SLC2A13: variants seen among roughly 807,000 people sequenced by gnomAD.
SLC2A13 encodes the protein proton myo-inositol cotransporter.
In SLC2A13, 32 loss-of-function variants were observed where a neutral mutation model predicts 64.4. That is an observed-to-expected ratio of 0.50 (90% CI 0.37 to 0.67). The LOEUF is 0.67. Ranked by LOEUF, SLC2A13 falls within the 30% of genes least tolerant of loss-of-function variation. The pLI is 0.00. For missense variants in SLC2A13, 743 were observed against 829.2 expected (o/e 0.90, Z 1.28); for synonymous variants, 338 against 327.1 (o/e 1.03, Z -0.36).
intron 4 of SLC2A13, among the ~76,000 whole-genome samples, chr12:39,911,474 T>C (rs1282596256): frequency 6.6e-6 from 1 of 152,022 alleles, no homozygotes; most frequent in Admixed American, 6.6e-5. Flanking sequence ...ACAGATTTAA[T>C]ACAAGTTAGA....
At chr12:39,803,277 A>G (rs1215536854) in intron 7 of SLC2A13, among the ~76,000 whole-genome samples, 2 of 152,074 alleles carry the variant, frequency 1.3e-5, no homozygotes, top group Non-Finnish European at 2.9e-5. Flanking sequence ...CACAGATAAA[A>G]CCGTGATGAA....
intron 4 of SLC2A13, among the ~76,000 whole-genome samples, chr12:39,901,181 G>A (rs10784267): frequency 0.49 from 74,474 of 151,940 alleles, 18,479 homozygotes; most frequent in East Asian, 0.78. Context: ...CTTATACAAA[G>A]AAATTAATTC....
At chr12:39,972,732 A>G (rs754868184) in intron 3 of SLC2A13, among the ~76,000 whole-genome samples, 11 of 152,130 alleles carry the variant, frequency 7.2e-5, no homozygotes, top group Admixed American at 2.0e-4. Flanking sequence ...TCCAGTTCAT[A>G]TCTTATTCTC....
intron 1 of SLC2A13, among the ~76,000 whole-genome samples, chr12:40,095,076 A>T (rs1331983423): frequency 1.3e-5 from 2 of 152,224 alleles, no homozygotes; most frequent in Non-Finnish European, 2.9e-5. Flanking sequence ...AGATCCCAGA[A>T]ATGTACTTCA....
chr12:39,850,199 G>A (rs4539398), intron 6 of SLC2A13, among the ~76,000 whole-genome samples: 110,087 of 152,080 alleles, frequency 0.72, 40,574 homozygotes, highest in African/African-American at 0.86. Context: ...TACTGGAACC[G>A]AAAAGGAGTT....
At chr12:39,977,025 T>A (rs1026716116) in intron 3 of SLC2A13, among the ~76,000 whole-genome samples, 7 of 152,184 alleles carry the variant, frequency 4.6e-5, no homozygotes, top group African/African-American at 9.6e-5. Context: ...GAAAACAACA[T>A]ACGTACTTTA....
chr12:39,897,684 A>G lies in SLC2A13; in HGVS notation c.1035-25723T>C, dbSNP rs573738049. On this transcript the variant is annotated intron_variant, in intron 4 of 9. Transcript: ENST00000280871. ...TTTTATTTAATTTCAGTGAATTTTC[A>G]TTTAAATTTGCAATTAATTGGCCTA... 1.2e-3 allele frequency among the ~76,000 whole-genome samples: 185 copies of G among 152,314 alleles called. 2 individuals are homozygous for G. Among genetic ancestry groups the G allele is most frequent in the African/African-American group, 4.1e-3 (169 of 41,562 alleles).
intron 4 of SLC2A13, among the ~76,000 whole-genome samples, chr12:39,947,332 G>A (rs1467748803): frequency 6.6e-6 from 1 of 152,046 alleles, no homozygotes; most frequent in African/African-American, 2.4e-5. Flanking sequence ...TTAACCACTT[G>A]GTCTTCTTAG....
At chr12:40,048,351 A>C (rs1330097335) in intron 1 of SLC2A13, 141 bp from the exon 2 acceptor site, 3 of 766,684 alleles carry the variant, frequency 3.9e-6, no homozygotes, top group Non-Finnish European at 5.8e-6. Flanking sequence ...CATATTTAAG[A>C]TTTTGTTCAT....
intron 3 of SLC2A13, among the ~76,000 whole-genome samples, chr12:40,000,452 C>T (rs763113859): frequency 2.2e-4 from 33 of 152,150 alleles, no homozygotes; most frequent in African/African-American, 4.8e-4. Context: ...TCCTAATGAC[C>T]GACACATACA....
At chr12:40,100,904 G>T (rs1939122107) in intron 1 of SLC2A13, among the ~76,000 whole-genome samples, 1 of 141,202 alleles carries the variant, frequency 7.1e-6, no homozygotes, top group South Asian at 2.2e-4. Flanking sequence ...GGTGGGGGTT[G>T]CAGTGAGCCG....
intron 1 of SLC2A13, among the ~76,000 whole-genome samples, chr12:40,087,073 T>C (rs1938610639): frequency 6.6e-6 from 1 of 152,206 alleles, no homozygotes; most frequent in African/African-American, 2.4e-5. Flanking sequence ...CCGTTTGCTC[T>C]GGTTACTGAA....
chr12:39,848,315 C>A (rs1566860290), intron 6 of SLC2A13, among the ~76,000 whole-genome samples: 1 of 152,032 alleles, frequency 6.6e-6, no homozygotes, highest in African/African-American at 2.4e-5. Flanking sequence ...TTATAAGGAA[C>A]TTAGCAAATT....
chr12:39,792,170 A>T (rs1177433185), intron 7 of SLC2A13, among the ~76,000 whole-genome samples: 2 of 83,584 alleles, frequency 2.4e-5, no homozygotes, highest in Non-Finnish European at 4.9e-5. Context: ...CTGGCTAGCC[A>T]TATGTAGAAA....
chr12:40,064,750 G>C (rs1016396833), intron 1 of SLC2A13, among the ~76,000 whole-genome samples: 1 of 152,108 alleles, frequency 6.6e-6, no homozygotes, highest in African/African-American at 2.4e-5. Flanking sequence ...AAAAGACTAA[G>C]TATTAGTGGT....
chr12:39,974,069 C>T (rs1946720151), intron 3 of SLC2A13, among the ~76,000 whole-genome samples: 2 of 152,210 alleles, frequency 1.3e-5, no homozygotes, highest in Non-Finnish European at 2.9e-5. Flanking sequence ...GCAGCAGTAG[C>T]AGCATTATCT....
intron 3 of SLC2A13, among the ~76,000 whole-genome samples, chr12:39,955,075 TG>T (rs1946293876): frequency 6.6e-6 from 1 of 152,184 alleles, no homozygotes; most frequent in African/African-American, 2.4e-5. Context: ...TTAAATTGTA[TG>T]GTCAATGTCT....
At chr12:39,804,662 C>G (rs1489954225) in intron 7 of SLC2A13, among the ~76,000 whole-genome samples, 1 of 152,128 alleles carries the variant, frequency 6.6e-6, no homozygotes, top group Non-Finnish European at 1.5e-5. Flanking sequence ...ACACACTGTT[C>G]TAGTCTGCTG....
intron 3 of SLC2A13, among the ~76,000 whole-genome samples, chr12:40,017,226 C>CAGGCAA (rs1311763611): frequency 6.6e-6 from 1 of 152,200 alleles, no homozygotes; most frequent in Non-Finnish European, 1.5e-5. Context: ...ATGACTGTAT[C>CAGGCAA]TGGCAATGAG....
Sources: allele counts gnomAD v4.1 joint callset (sites outside exome capture counted in the v4.1 genomes callset), GRCh38; gene constraint gnomAD v4.1.1; transcripts MANE v1.5; gene names NCBI Gene and HGNC (gene_info 2026-07-23, HGNC 2026-07-21).